The following COL6A5 variants were observed in gnomAD, a reference collection of about 807,000 sequenced individuals.
COL6A5 encodes the protein collagen alpha-5(VI) chain.
COL6A5 carries 48 observed loss-of-function variants against 65.6 expected under a neutral mutation model. The observed-to-expected ratio is 0.73, with a 90% CI of 0.58 to 0.93. COL6A5 has a LOEUF of 0.93. Among genes scored for constraint, COL6A5 ranks in the 40% least tolerant of loss-of-function variants. COL6A5 has a pLI of 0.00. For synonymous variants in COL6A5, 291 were observed against 322.8 expected (o/e 0.90, Z 1.05); for missense variants, 914 against 928.3 (o/e 0.98, Z 0.20).
Position 130,440,386 on chromosome 3 carries a change from G to A in COL6A5, c.804G>A (p.Trp268Ter). The stretch of plus-strand genomic sequence containing the variant: ...TTGCTTTGTTGAGCTATTCTCCTTG[G>A]GAAAGTTCCAGGAGAAAGATGGGTA... The change falls in exon 3 of 8, where the codon TGG becomes TGA. Residue 268 changes from tryptophan (W) to a stop codon, truncating the protein, a stop_gained. Coordinates refer to ENST00000512836, the Ensembl canonical transcript of COL6A5. LOFTEE classifies it high-confidence loss of function. The A allele has an allele frequency of 6.2e-7, 1 of 1,613,432 alleles. No individual in the cohort carries two copies. The highest frequency in any genetic ancestry group is 8.5e-7 in the Non-Finnish European group (1 of 1,179,690).
intron 7 of COL6A5, among the ~76,000 whole-genome samples, chr3:130,471,441 A>G (rs1422546002): frequency 1.3e-5 from 2 of 152,164 alleles, no homozygotes; most frequent in African/African-American, 2.4e-5. Context: ...TAAGTACTCA[A>G]TAAAAATTTA....
At chr3:130,406,568 G>A (rs1216788660) in intron 17 of COL6A5, among the ~76,000 whole-genome samples, 1 of 151,920 alleles carries the variant, frequency 6.6e-6, no homozygotes, top group Non-Finnish European at 1.5e-5. Flanking sequence ...TGTTTCTCAT[G>A]TCTGAAAATG....
chr3:130,446,146 G>T (rs1225639792), intron 4 of COL6A5, among the ~76,000 whole-genome samples: 1 of 152,036 alleles, frequency 6.6e-6, no homozygotes, highest in Non-Finnish European at 1.5e-5. Context: ...CACAGAGGGG[G>T]GTATTTATAA....
upstream of COL6A5, among the ~76,000 whole-genome samples, chr3:130,428,974 T>C (rs1168879975): frequency 6.6e-6 from 1 of 152,186 alleles, no homozygotes; most frequent in Non-Finnish European, 1.5e-5. Context: ...TATCAATACT[T>C]TCCCGGATTC....
rs1403282620 is a variant in COL6A5, at chr3:130,418,739, C to T, written c.4888-130C>T. Reference sequence around the variant, plus strand: ...AAAAAAACATAATTTGTGCCCTACACTCATCCCCTTAGTGAGCACTGACCC... The same window carrying T: ...AAAAAAACATAATTTGTGCCCTACATTCATCCCCTTAGTGAGCACTGACCC... On this transcript the variant is annotated intron_variant and NMD_transcript_variant, in intron 24 of 41. Transcript: ENST00000312481. 1.3e-5 allele frequency: 9 copies of T among 707,676 alleles called. No homozygotes were observed. The Admixed American group carries it at 1.9e-4, about 15-fold the overall frequency. 43.8% of individuals were successfully genotyped at this position (707,676 alleles called of 1,614,324 possible).
At chr3:130,378,482 C>A (rs1443933076) in intron 3 of COL6A5, among the ~76,000 whole-genome samples, 1 of 152,152 alleles carries the variant, frequency 6.6e-6, no homozygotes, top group East Asian at 1.9e-4. Flanking sequence ...CTTTCCTGGA[C>A]TAGGGCCATT....
chr3:130,455,505 G>A, exon 5 of COL6A5: 1 of 1,612,588 alleles, frequency 6.2e-7, no homozygotes, highest in African/African-American at 1.3e-5. Flanking sequence ...GGCTTCATTG[G>A]CCAAGAATTA....
At chr3:130,467,261 GA>G (rs1709838899) in intron 5 of COL6A5, among the ~76,000 whole-genome samples, 1 of 151,956 alleles carries the variant, frequency 6.6e-6, no homozygotes, top group African/African-American at 2.4e-5. Flanking sequence ...GGCTAATAGG[GA>G]GGGGGGAATA....
intron 17 of COL6A5, 88 bp from the exon 18 acceptor site, chr3:130,409,235 GATT>G: frequency 1.1e-6 from 1 of 916,968 alleles, no homozygotes; most frequent in South Asian, 2.0e-5. Flanking sequence ...CATTTTATCT[GATT>G]AACCCCCCTA....
At chr3:130,432,376 A>G (rs766410386) in intron 1 of COL6A5, among the ~76,000 whole-genome samples, 11 of 152,024 alleles carry the variant, frequency 7.2e-5, no homozygotes, top group Non-Finnish European at 1.3e-4. Flanking sequence ...AACATGGTGA[A>G]ACTTCATCTC....
chr3:130,399,333 GCCTTT>G (rs1936724100), intron 10 of COL6A5, among the ~76,000 whole-genome samples: 3 of 151,282 alleles, frequency 2.0e-5, no homozygotes, highest in Non-Finnish European at 2.9e-5. Context: ...GCAGAACCTG[GCCTTT>G]GCTTGCCATT....
At chr3:130,388,456 A>G (rs1440210658) in intron 5 of COL6A5, 124 bp from the exon 6 acceptor site, 9 of 821,362 alleles carry the variant, frequency 1.1e-5, no homozygotes, top group Non-Finnish European at 1.6e-5. Flanking sequence ...TTTCAAACAT[A>G]ACAACAGTTG....
chr3:130,395,590 CTTG>C (rs1296944172), intron 8 of COL6A5, 125 bp downstream of exon 8: 26 of 779,074 alleles, frequency 3.3e-5, no homozygotes, highest in East Asian at 3.3e-4. Context: ...GAATATCTCA[CTTG>C]TTGTGCAATG....
chr3:130,462,108 A>G (rs1277641066), intron 5 of COL6A5, among the ~76,000 whole-genome samples: 1 of 152,108 alleles, frequency 6.6e-6, no homozygotes, highest in Non-Finnish European at 1.5e-5. Flanking sequence ...ACAGCAAAAC[A>G]AGATAATTTT....
chr3:130,355,652 A>G (rs79799002), intron 1 of COL6A5, among the ~76,000 whole-genome samples: 5,156 of 152,014 alleles, frequency 0.034, 296 homozygotes, highest in African/African-American at 0.12. Context: ...CACACACATA[A>G]AGTTAATGAT....
chr3:130,439,013 C>T (rs1709103914), intron 1 of COL6A5, among the ~76,000 whole-genome samples: 1 of 152,120 alleles, frequency 6.6e-6, no homozygotes, highest in African/African-American at 2.4e-5. Context: ...CTCTTGACAA[C>T]TGAGAGATGT....
intron 5 of COL6A5, among the ~76,000 whole-genome samples, chr3:130,464,768 G>A (rs1173499094): frequency 6.6e-6 from 1 of 152,030 alleles, no homozygotes; most frequent in African/African-American, 2.4e-5. Context: ...TTTGCCACTG[G>A]GTTCCTGGTG....
At position 130,382,828 on chromosome 3, in the gene COL6A5, G is replaced by A. The variant is rs1391059; in HGVS notation, c.1301-1976G>A. On this transcript the variant is annotated intron_variant and NMD_transcript_variant, in intron 4 of 41. Transcript: ENST00000312481. Reference sequence around the variant, plus strand: ...TCACATTAACCAAACTCAAGCGACTGATGTATAGAAAAAGAATGACAATTA... The same window carrying A: ...TCACATTAACCAAACTCAAGCGACTAATGTATAGAAAAAGAATGACAATTA... 4.8e-3 allele frequency among the ~76,000 whole-genome samples: 734 copies of A among 152,198 alleles called. 14 individuals are homozygous for A. The highest frequency in any genetic ancestry group is 0.043 in the East Asian group (220 of 5,166).
chr3:130,422,863 T>C (rs1045260949), intron 28 of COL6A5, 81 bp downstream of exon 28: 33 of 904,812 alleles, frequency 3.6e-5, no homozygotes, highest in Non-Finnish European at 3.4e-5. Flanking sequence ...AAATGTGGAT[T>C]ATTGATTCAA....
Sources: allele counts gnomAD v4.1 joint callset (sites outside exome capture counted in the v4.1 genomes callset), GRCh38; gene constraint gnomAD v4.1.1; transcripts MANE v1.5; gene names NCBI Gene and HGNC (gene_info 2026-07-23, HGNC 2026-07-21).